OTOR: variants seen among roughly 807,000 people sequenced by gnomAD.
OTOR encodes fibrocyte-derived protein.
A neutral mutation model predicts 15.9 loss-of-function variants in OTOR; 20 were observed. The observed-to-expected ratio is 1.26, with a 90% CI of 0.89 to 1.83. OTOR has a LOEUF of 1.83. OTOR is among the 40% of genes most tolerant of loss of function. The pLI is 0.00. For missense variants in OTOR, 184 were observed against 159.0 expected, an observed-to-expected ratio of 1.16 and a Z score of -0.85; for synonymous variants, 53 against 54.2, an observed-to-expected ratio of 0.98 and a Z score of 0.09.
intron 3 of OTOR, among the ~76,000 whole-genome samples, chr20:16,750,290 T>C (rs1346753300): frequency 1.3e-5 from 2 of 152,190 alleles, no homozygotes; most frequent in Non-Finnish European, 2.9e-5. Context: ...TGGGTTATAA[T>C]TGACAAATAA....
At position 16,751,282 on chromosome 20, in the gene OTOR, T is replaced by C. The variant is rs193047759; in HGVS notation, c.*164T>C. 2 of 575,910 alleles carry C rather than the reference T, an allele frequency of 3.5e-6. No individual in the cohort carries two copies. The highest frequency in any genetic ancestry group is 6.0e-6 in the Non-Finnish European group (2 of 331,924). The allele number at this position is 575,910 out of a possible 1,614,324, so 35.7% of individuals were successfully genotyped here. On this transcript the variant is annotated 3_prime_UTR_variant, in exon 4 of 4. Transcript: ENST00000246081. ...GTTGGAGGTGGCAGATAAAAGAGGA[T>C]TTTCAACTCAAATCTTGTTTCCTGC...
In OTOR at chr20:16,751,084, T is replaced by C; in HGVS notation, c.364-11T>C. On this transcript the variant is annotated splice_polypyrimidine_tract_variant and intron_variant, in intron 3 of 3. Transcript: ENST00000246081. ...TTCGTTCAATCTTTTTTTGTTTTTG[T>C]TTTTTTCCAGGATATTGACTTCTTC... 6.5e-7 allele frequency: 1 copy of C among 1,535,516 alleles called. No homozygotes were observed. Among genetic ancestry groups the C allele is most frequent in the Admixed American group, 2.0e-5 (1 of 49,122 alleles).
Position 16,751,991 on chromosome 20 carries a change from G to A in OTOR, c.*873G>A, listed in dbSNP as rs1166461911. On this transcript the variant is annotated 3_prime_UTR_variant, in exon 4 of 4. Transcript: ENST00000246081. The stretch of plus-strand genomic sequence containing the variant: ...TGTGCAAATTCCTCTAGTCAAGTGT[G>A]ATATATCAAGAAATCTGAGGAGGAT... 6.6e-6 allele frequency: 1 copy of A among 152,102 alleles called. No individual in the cohort carries two copies. Among genetic ancestry groups the A allele is most frequent in the Non-Finnish European group, 1.5e-5 (1 of 68,016 alleles). The allele number at this position is 152,102 out of a possible 1,614,324, so 9.4% of individuals were successfully genotyped here. A position where few individuals can be genotyped will look rare whatever the true frequency, so the allele number is the denominator to read the frequency against.
intron 3 of OTOR, 85 bp from the exon 4 acceptor site, chr20:16,751,010 A>G: frequency 9.8e-7 from 1 of 1,019,626 alleles, no homozygotes; most frequent in Non-Finnish European, 1.4e-6. Context: ...CTCTGATTAG[A>G]TATGACTTTA....
rs970973536 is a variant in OTOR, at chr20:16,748,468, A to G, written c.67A>G (p.Met23Val). 11 of 1,613,594 alleles carry G rather than the reference A, an allele frequency of 6.8e-6. No homozygotes were observed. The highest frequency in any genetic ancestry group is 8.5e-6 in the Non-Finnish European group (10 of 1,179,608). ...VAVCAVHGIF[M>V]DRLASKKLCA... ...TGTATGTGCTGTGCATGGAATATTT[A>G]TGGACCGTCTAGCTTCCAAGAAGCT... is the stretch of plus-strand genomic sequence containing the variant. The change falls in exon 1 of 4, where the codon ATG becomes GTG. Residue 23 changes from methionine to valine, a missense_variant. Physicochemically the swap from Met to Val is conservative, Grantham distance 21 (BLOSUM62 1). Transcript: ENST00000246081.
chr20:16,751,292 A>T lies in OTOR; in HGVS notation c.*174A>T. 3.5e-6 allele frequency: 2 copies of T among 575,894 alleles called. No individual in the cohort carries two copies. The highest frequency in any genetic ancestry group is 4.6e-5 in the South Asian group (2 of 43,902). The allele number at this position is 575,894 out of a possible 1,614,324, so 35.7% of individuals were successfully genotyped here. ...GCAGATAAAAGAGGATTTTCAACTCAAATCTTGTTTCCTGCTGGCCTGGTC... is the reference window on the plus strand; with the variant it reads ...GCAGATAAAAGAGGATTTTCAACTCTAATCTTGTTTCCTGCTGGCCTGGTC... On this transcript the variant is annotated 3_prime_UTR_variant, in exon 4 of 4. Transcript: ENST00000246081.
In OTOR at chr20:16,751,160, T is replaced by A. The variant is rs910945557; in HGVS notation, c.*42T>A. 35 of 1,421,724 alleles carry A rather than the reference T, an allele frequency of 2.5e-5. No individual in the cohort carries two copies. The highest frequency in any genetic ancestry group is 3.4e-5 in the Non-Finnish European group (35 of 1,044,186). The allele number at this position is 1,421,724 out of a possible 1,614,324, so 88.1% of individuals were successfully genotyped here. A position where few individuals can be genotyped will look rare whatever the true frequency, so the allele number is the denominator to read the frequency against. On this transcript the variant is annotated 3_prime_UTR_variant, in exon 4 of 4. Coordinates refer to ENST00000246081, the MANE Select transcript of OTOR (RefSeq NM_020157.4). ...GCAAATAGAAAGAAAACACCAAAAA[T>A]AAAGAAAAGAGCAAAAGTGGCCAAA...
chr20:16,750,153 T>C (rs184150475), intron 3 of OTOR, 143 bp downstream of exon 3: 356 of 576,212 alleles, frequency 6.2e-4, no homozygotes, highest in Non-Finnish European at 9.2e-4. Flanking sequence ...TAATGAGGTT[T>C]GGGGGACCAT....
Position 16,748,964 on chromosome 20 carries a change from G to T in OTOR, c.213G>T (p.Lys71Asn), listed in dbSNP as rs1287478797. Residue 71 changes from lysine (K) to asparagine (N), a missense_variant, in exon 2 of 4, where the codon AAG (lysine) becomes AAT (asparagine). Physicochemically the swap from Lys to Asn is moderately conservative, Grantham distance 94. Transcript: ENST00000246081. ...GGCAGCAGATCTATGTGTACTCAAA[G>T]CTGGTAAAAGAAAATGGAGCTGGAG... ...KKGQQIYVYSKLVKENGAGEF... is the reference protein window; with the variant it reads ...KKGQQIYVYSNLVKENGAGEF... 2 of 1,611,256 alleles carry T rather than the reference G, an allele frequency of 1.2e-6. No individual in the cohort carries two copies. Among genetic ancestry groups the T allele is most frequent in the African/African-American group, 2.7e-5 (2 of 74,612 alleles).
chr20:16,749,166 A>G (rs930903326), intron 2 of OTOR, among the ~76,000 whole-genome samples, 160 bp downstream of exon 2: 1 of 152,254 alleles, frequency 6.6e-6, no homozygotes, highest in South Asian at 2.1e-4. Flanking sequence ...TGCATTTTAA[A>G]GAAAGAAAGA....
rs2072530001 is a variant in OTOR at position 16,751,677 on chromosome 20, A to G, written c.*559A>G. The G allele has an allele frequency of 6.6e-6, 1 of 152,112 alleles. No individual in the cohort carries two copies. Among genetic ancestry groups the G allele is most frequent in the Non-Finnish European group, 1.5e-5 (1 of 68,022 alleles). 9.4% of individuals were successfully genotyped at this position (152,112 alleles called of 1,614,324 possible). A position where few individuals can be genotyped will look rare whatever the true frequency, so the allele number is the denominator to read the frequency against. Reference sequence around the variant, plus strand: ...GGAAGAAGAGTTTTTGGACCCATAGATGTTTGGATGATGTCTCTAATTTGT... The same window carrying G: ...GGAAGAAGAGTTTTTGGACCCATAGGTGTTTGGATGATGTCTCTAATTTGT... On this transcript the variant is annotated 3_prime_UTR_variant, in exon 4 of 4. Transcript: ENST00000246081.
chr20:16,750,542 A>G (rs1321485420), intron 3 of OTOR, among the ~76,000 whole-genome samples: 2 of 152,172 alleles, frequency 1.3e-5, no homozygotes, highest in Non-Finnish European at 2.9e-5. Context: ...AAAGAAACCA[A>G]AGTCAGCACT....
intron 2 of OTOR, 138 bp downstream of exon 2, chr20:16,749,144 T>C (rs1224559482): frequency 8.3e-6 from 4 of 482,738 alleles, no homozygotes; most frequent in Non-Finnish European, 1.0e-5. Context: ...AAAATTCAGG[T>C]ATATTTGCTA....
In OTOR at chr20:16,748,986, G is replaced by C; in HGVS notation, c.235G>C (p.Gly79Arg). 1 of 1,590,860 alleles carries C rather than the reference G, an allele frequency of 6.3e-7. No homozygotes were observed. The highest frequency in any genetic ancestry group is 8.5e-7 in the Non-Finnish European group (1 of 1,174,010). Residue 79 changes from glycine (G) to arginine (R), a missense_variant, in exon 2 of 4, where the codon GGA becomes CGA. By Grantham distance (125) the Gly-to-Arg change is moderately radical (BLOSUM62 -2). Transcript: ENST00000246081. ...AAAGCTGGTAAAAGAAAATGGAGCT[G>C]GAGAATTTTGGGCTGGCAGTGTAAG... Reference protein sequence around the residue: ...YSKLVKENGAGEFWAGSVYGD... With the variant: ...YSKLVKENGAREFWAGSVYGD...
chr20:16,748,744 A>G, intron 1 of OTOR, 123 bp from the exon 2 acceptor site: 2 of 790,980 alleles, frequency 2.5e-6, no homozygotes, highest in Non-Finnish European at 3.8e-6. Context: ...TTGGATAGAC[A>G]CCAGCTATGA....
At chr20:16,749,294 AGATTTGCCAAGTAGAAG>A (rs2072513297) in intron 2 of OTOR, 2 of 232,872 alleles carry the variant, frequency 8.6e-6, no homozygotes, top group African/African-American at 4.5e-5. Context: ...ACGTCTGAGA[AGATTTGCCAAGTAGAAG>A]GCATGTGTGT....
In OTOR at chr20:16,750,493, A is replaced by C. The variant is rs577520466; in HGVS notation, c.363+483A>C. On this transcript the variant is annotated intron_variant, in intron 3 of 3. Coordinates refer to ENST00000246081, the MANE Select transcript of OTOR (RefSeq NM_020157.4). ...TACAATACAGTACCTCTTTTGTTTT[A>C]GATGCAAGTTGTCTTGCAAAGCAGT... Among the ~76,000 whole-genome samples the C allele has an allele frequency of 4.6e-5, 7 of 151,876 alleles. No individual in the cohort carries two copies. The South Asian group carries it at 1.5e-3, about 32-fold the overall frequency.
At chr20:16,749,057 G>T in intron 2 of OTOR, 51 bp downstream of exon 2, 2 of 1,350,616 alleles carry the variant, frequency 1.5e-6, no homozygotes, top group Non-Finnish European at 2.0e-6. Context: ...ACCTTTCCTT[G>T]ATTACCTACC....
chr20:16,749,819 T>C (rs6075100), intron 2 of OTOR, 84 bp from the exon 3 acceptor site: 706,022 of 902,228 alleles, frequency 0.78, 279,137 homozygotes, highest in East Asian at 1. Context: ...TGATTCTCAC[T>C]ATCAGCAAAG....
Sources: gnomAD v4.1 joint callset for allele counts (sites outside exome capture counted in the v4.1 genomes callset) on GRCh38, gnomAD v4.1.1 for gene constraint, MANE v1.5 for transcripts, NCBI Gene and HGNC (gene_info 2026-07-23, HGNC 2026-07-21) for gene names.